Variants in TMEM132D observed in about 807,000 individuals in gnomAD.
The protein encoded by TMEM132D is transmembrane protein 132D, also known as mature OL transmembrane protein.
In TMEM132D, 21 loss-of-function variants were observed where a neutral mutation model predicts 62.3. The ratio of observed to expected loss-of-function variants is 0.34; its 90% CI spans 0.24 to 0.49. TMEM132D has a LOEUF of 0.49. Among genes scored for constraint, TMEM132D ranks in the 20% least tolerant of loss-of-function variants. TMEM132D has a pLI of 0.99. For missense variants in TMEM132D, 1,346 were observed against 1,402.8 expected (o/e 0.96, Z 0.65); for synonymous variants, 621 against 575.6 (o/e 1.08, Z -1.13).
At chr12:129,248,786 C>T (rs1340871326) in intron 4 of TMEM132D, among the ~76,000 whole-genome samples, 1 of 152,176 alleles carries the variant, frequency 6.6e-6, no homozygotes, top group Non-Finnish European at 1.5e-5. Flanking sequence ...ATTGTGAGAA[C>T]ATGCAGTATT....
At chr12:129,318,299 A>T (rs1275046942) in intron 4 of TMEM132D, among the ~76,000 whole-genome samples, 1 of 152,170 alleles carries the variant, frequency 6.6e-6, no homozygotes, top group Non-Finnish European at 1.5e-5. Context: ...TCTAGGGCTG[A>T]AGGCTGTTGT....
chr12:129,483,725 TG>T (rs1036306490), intron 3 of TMEM132D, among the ~76,000 whole-genome samples: 38 of 152,296 alleles, frequency 2.5e-4, no homozygotes, highest in African/African-American at 8.9e-4. Flanking sequence ...CTCCCCTTCG[TG>T]GTGACGCAAA....
intron 1 of TMEM132D, among the ~76,000 whole-genome samples, chr12:129,715,659 G>C (rs974637847): frequency 1.3e-5 from 2 of 152,158 alleles, no homozygotes; most frequent in Non-Finnish European, 2.9e-5. Flanking sequence ...GTGCCTCTTC[G>C]ACTTCTCCTT....
chr12:129,268,723 G>C (rs1880765207), intron 4 of TMEM132D, among the ~76,000 whole-genome samples: 2 of 152,050 alleles, frequency 1.3e-5, no homozygotes, highest in South Asian at 4.2e-4. Context: ...GCACACATAT[G>C]TTTATTGGGG....
chr12:129,249,114 C>T (rs892885820), intron 4 of TMEM132D, among the ~76,000 whole-genome samples: 39 of 152,194 alleles, frequency 2.6e-4, no homozygotes, highest in Admixed American at 1.8e-3. Flanking sequence ...TCAAAGATCC[C>T]GGGATATTGT....
intron 3 of TMEM132D, among the ~76,000 whole-genome samples, chr12:129,356,649 C>G (rs368109069): frequency 1.1e-5 from 1 of 91,358 alleles, no homozygotes; most frequent in Non-Finnish European, 2.2e-5. Context: ...GAAACCCTGT[C>G]TCTACAATAA....
At chr12:129,082,556 A>G (rs1485975226) in intron 6 of TMEM132D, among the ~76,000 whole-genome samples, 1 of 152,104 alleles carries the variant, frequency 6.6e-6, no homozygotes, top group African/African-American at 2.4e-5. Flanking sequence ...AGGAACTGAG[A>G]CTAGCCAGCA....
chr12:129,753,153 T>C (rs772282908), intron 1 of TMEM132D, among the ~76,000 whole-genome samples: 1 of 152,228 alleles, frequency 6.6e-6, no homozygotes, highest in Non-Finnish European at 1.5e-5. Context: ...TAGGCTTCTC[T>C]GTAAACCCGG....
intron 2 of TMEM132D, among the ~76,000 whole-genome samples, chr12:129,654,579 A>G (rs73157289): frequency 3.3e-3 from 508 of 152,282 alleles, no homozygotes; most frequent in Non-Finnish European, 6.3e-3. Context: ...TTACATTTAC[A>G]CTTTTTAACA....
intron 1 of TMEM132D, among the ~76,000 whole-genome samples, chr12:129,724,343 T>C (rs7307781): frequency 0.82 from 124,182 of 152,106 alleles, 51,381 homozygotes; most frequent in Non-Finnish European, 0.9. Context: ...ACAGGAGACA[T>C]AGAACATGGG....
intron 5 of TMEM132D, among the ~76,000 whole-genome samples, chr12:129,143,604 G>A (rs1413031927): frequency 1.3e-5 from 2 of 152,136 alleles, no homozygotes; most frequent in Non-Finnish European, 2.9e-5. Flanking sequence ...ACATTAAAAC[G>A]AAAGACTGTA....
intron 3 of TMEM132D, among the ~76,000 whole-genome samples, chr12:129,426,022 C>A (rs114166137): frequency 0.021 from 3,196 of 152,292 alleles, 87 homozygotes; most frequent in African/African-American, 0.072. Context: ...ACAACACTGG[C>A]AGCAGAAAGA....
intron 3 of TMEM132D, among the ~76,000 whole-genome samples, chr12:129,403,899 A>AGGAGGAGTGGCGAGAGCTAAGGCCT: frequency 2.0e-5 from 3 of 152,274 alleles, no homozygotes; most frequent in Middle Eastern, 6.8e-3. Context: ...GGTTCCAGGC[A>AGGAGGAGTGGCGAGAGCTAAGGCCT]GGAGGAGTGG....
At chr12:129,597,141 G>T (rs980406135) in intron 2 of TMEM132D, among the ~76,000 whole-genome samples, 1 of 151,842 alleles carries the variant, frequency 6.6e-6, no homozygotes, top group Non-Finnish European at 1.5e-5. Flanking sequence ...GTTCAGTACA[G>T]ACTTTTTGTT....
At chr12:129,735,809 CT>C (rs1225749540) in intron 1 of TMEM132D, among the ~76,000 whole-genome samples, 1 of 152,192 alleles carries the variant, frequency 6.6e-6, no homozygotes, top group Non-Finnish European at 1.5e-5. Flanking sequence ...GATATTCTAT[CT>C]CTTGACCATG....
chr12:129,391,035 T>C (rs977134472), intron 3 of TMEM132D, among the ~76,000 whole-genome samples: 1 of 152,216 alleles, frequency 6.6e-6, no homozygotes, highest in African/African-American at 2.4e-5. Flanking sequence ...ACTCTATAAC[T>C]GTTCATTCTT....
intron 2 of TMEM132D, among the ~76,000 whole-genome samples, chr12:129,696,558 T>C (rs1474538361): frequency 6.6e-6 from 1 of 152,154 alleles, no homozygotes; most frequent in Non-Finnish European, 1.5e-5. Flanking sequence ...CAGCCTTCCA[T>C]TCGGATCTGA....
intron 5 of TMEM132D, among the ~76,000 whole-genome samples, chr12:129,164,570 CATAGTTCAGCACGAGGAACT>C (rs1174737824): frequency 6.6e-6 from 1 of 152,162 alleles, no homozygotes; most frequent in Non-Finnish European, 1.5e-5. Flanking sequence ...TTAATTGACT[CATAGTTCAGCACGAGGAACT>C]ATAGTTCAGC....
At chr12:129,708,630 A>AAAAAC (rs1426920262) in intron 1 of TMEM132D, among the ~76,000 whole-genome samples, 1 of 106,998 alleles carries the variant, frequency 9.3e-6, no homozygotes, top group African/African-American at 3.8e-5. Flanking sequence ...AAAAAAAAAA[A>AAAAAC]ACACACACAC....
Sources: allele counts gnomAD v4.1 joint callset (sites outside exome capture counted in the v4.1 genomes callset), GRCh38; gene constraint gnomAD v4.1.1; transcripts MANE v1.5; gene names NCBI Gene and HGNC (gene_info 2026-07-23, HGNC 2026-07-21).